ZSWIM6: variants seen among roughly 807,000 people sequenced by gnomAD.
ZSWIM6 encodes the protein zinc finger SWIM-type containing 6, also known as zinc finger SWIM domain-containing protein 6.
ZSWIM6 carries 9 observed loss-of-function variants against 113.2 expected under a neutral mutation model. That is an observed-to-expected ratio of 0.08 (90% CI 0.05 to 0.14). ZSWIM6 has a LOEUF of 0.14. Ranked by LOEUF, ZSWIM6 falls within the 10% of genes least tolerant of loss-of-function variation. The pLI, the probability that ZSWIM6 is intolerant of heterozygous loss-of-function variation, is 1.00. For missense variants in ZSWIM6, 1,162 were observed against 1,552.2 expected, an observed-to-expected ratio of 0.75 and a Z score of 4.22; for synonymous variants, 611 against 606.5, an observed-to-expected ratio of 1.01 and a Z score of -0.11.
At chr5:61,496,491 A>G (rs893743504) in intron 4 of ZSWIM6, among the ~76,000 whole-genome samples, 8 of 152,204 alleles carry the variant, frequency 5.3e-5, no homozygotes, top group Admixed American at 3.3e-4. Flanking sequence ...TTGTGCCCCT[A>G]CACAGGGCTC....
intron 1 of ZSWIM6, among the ~76,000 whole-genome samples, chr5:61,340,750 T>C (rs1744526457): frequency 6.6e-6 from 1 of 152,352 alleles, no homozygotes; most frequent in Admixed American, 6.5e-5. Flanking sequence ...AAGCATATTC[T>C]TGAATGTAAC....
intron 1 of ZSWIM6, among the ~76,000 whole-genome samples, chr5:61,383,584 G>A (rs568689912): frequency 8.6e-4 from 130 of 151,690 alleles, no homozygotes; most frequent in African/African-American, 2.9e-3. Context: ...TGCCCAGGCT[G>A]GAGTGCAGTG....
At chr5:61,380,243 T>G (rs1745447844) in intron 1 of ZSWIM6, among the ~76,000 whole-genome samples, 1 of 151,958 alleles carries the variant, frequency 6.6e-6, no homozygotes, top group African/African-American at 2.4e-5. Context: ...GCCCAGCTAA[T>G]TTTTGTATTT....
chr5:61,519,295 C>T (rs932831533), intron 4 of ZSWIM6, among the ~76,000 whole-genome samples: 3 of 152,152 alleles, frequency 2.0e-5, no homozygotes, highest in African/African-American at 4.8e-5. Context: ...CAGAGATCCC[C>T]GTTTCCACCT....
chr5:61,333,322 G>A (rs1309608626), intron 1 of ZSWIM6, among the ~76,000 whole-genome samples: 1 of 151,454 alleles, frequency 6.6e-6, no homozygotes, highest in Non-Finnish European at 1.5e-5. Context: ...CTCCGGCGAG[G>A]GTGTGTGTGG....
chr5:61,525,972 G>T lies in ZSWIM6; in HGVS notation c.1686G>T (p.Trp562Cys). The T allele has an allele frequency of 6.4e-7, 1 of 1,552,020 alleles. No individual in the cohort carries two copies. The highest frequency in any genetic ancestry group is 8.7e-7 in the Non-Finnish European group (1 of 1,147,000). Reference protein sequence around the residue: ...SLFDSRGWPLWHEHVPTACAR... With the variant: ...SLFDSRGWPLCHEHVPTACAR... ...TCGACTCCCGCGGGTGGCCCCTCTG[G>T]CATGGTAAGTGACCAAACCGGAAAG... Residue 562 changes from tryptophan to cysteine, a missense_variant, in exon 6 of 14, where the codon TGG becomes TGT. Transcript: ENST00000252744.
At chr5:61,333,002 G>GTT (rs1744298098) in intron 1 of ZSWIM6, 54 bp downstream of exon 1, 1 of 1,008,870 alleles carries the variant, frequency 9.9e-7, no homozygotes, top group Non-Finnish European at 1.2e-6. Context: ...CCCTGGGTGG[G>GTT]GGGGGGGTGC....
At chr5:61,363,874 CTCCTTCCT>C (rs1218720627) in intron 1 of ZSWIM6, among the ~76,000 whole-genome samples, 2 of 103,630 alleles carry the variant, frequency 1.9e-5, no homozygotes, top group Non-Finnish European at 4.4e-5. Flanking sequence ...CCTTCCTTCC[CTCCTTCCT>C]TCCTTCCCTC....
Position 61,521,440 on chromosome 5 carries a change from A to G in ZSWIM6, c.1511A>G (p.Gln504Arg). 6.9e-7 allele frequency: 1 copy of G among 1,459,292 alleles called. No homozygotes were observed. Among genetic ancestry groups the G allele is most frequent in the East Asian group, 2.9e-5 (1 of 35,014 alleles). 90.4% of individuals were successfully genotyped at this position (1,459,292 alleles called of 1,614,324 possible). Residue 504 changes from glutamine (Q) to arginine (R), a missense_variant and splice_region_variant, in exon 5 of 14, where the codon CAA becomes CGA. By Grantham distance (43) the Gln-to-Arg change is conservative. This residue lies in a region of ZSWIM6 where 620 missense variants were observed against 804.6 expected (regional missense o/e 0.77). Transcript: ENST00000252744. ...NALPQGANAN[Q>R]DSSNRPHRTV... ...CTGCCTCAGGGTGCAAATGCCAACC[A>G]AGGTGAGTCTACCATAATGTTCTGC... is the stretch of plus-strand genomic sequence containing the variant.
chr5:61,539,546 C>A, intron 11 of ZSWIM6, 50 bp from the exon 12 acceptor site: 1 of 1,510,606 alleles, frequency 6.6e-7, no homozygotes, highest in Non-Finnish European at 8.9e-7. Flanking sequence ...ATTTGTTTGT[C>A]TTGCTTTGCT....
chr5:61,493,596 C>T (rs1035240753), intron 3 of ZSWIM6, among the ~76,000 whole-genome samples: 4 of 152,088 alleles, frequency 2.6e-5, no homozygotes, highest in African/African-American at 9.7e-5. Flanking sequence ...CAGGAAGGTG[C>T]CAAACTGTTT....
intron 3 of ZSWIM6, among the ~76,000 whole-genome samples, chr5:61,493,422 A>G (rs1365515277): frequency 6.6e-6 from 1 of 152,202 alleles, no homozygotes; most frequent in East Asian, 1.9e-4. Flanking sequence ...GGTGAATTGT[A>G]TGGTATATGA....
chr5:61,406,366 A>G (rs1260482291), intron 1 of ZSWIM6, among the ~76,000 whole-genome samples: 2 of 152,218 alleles, frequency 1.3e-5, no homozygotes, highest in African/African-American at 4.8e-5. Flanking sequence ...TGAAGCCTAG[A>G]AATTTTATAG....
intron 1 of ZSWIM6, among the ~76,000 whole-genome samples, chr5:61,366,441 G>A (rs1745154147): frequency 6.6e-6 from 1 of 152,152 alleles, no homozygotes; most frequent in South Asian, 2.1e-4. Flanking sequence ...AGGTGAATAA[G>A]CAACTCAAAC....
chr5:61,396,401 G>C (rs1001873568), intron 1 of ZSWIM6, among the ~76,000 whole-genome samples: 1 of 151,626 alleles, frequency 6.6e-6, no homozygotes, highest in Admixed American at 6.6e-5. Flanking sequence ...GTATGGTGGC[G>C]CACACCTGTA....
chr5:61,516,017 T>C (rs1014206692), intron 4 of ZSWIM6, among the ~76,000 whole-genome samples: 5 of 152,024 alleles, frequency 3.3e-5, no homozygotes, highest in African/African-American at 1.2e-4. Context: ...GGTATATCTT[T>C]TTTCTTCCTT....
rs1483970398 is a variant in ZSWIM6, at chr5:61,525,952, T to C, written c.1666T>C (p.Ser556Pro). 6.4e-7 allele frequency: 1 copy of C among 1,552,108 alleles called. No homozygotes were observed. ...CGACACTGAAAACTCCCTCTTCGAC[T>C]CCCGCGGGTGGCCCCTCTGGCATGG... ...HDDTENSLFD[S>P]RGWPLWHEHV... The change falls in exon 6 of 14, where the codon TCC becomes CCC. Residue 556 changes from serine (S) to proline (P), a missense_variant. Ser to Pro is a moderately conservative substitution (Grantham distance 74, BLOSUM62 -1). Around this residue, in one of 4 missense-constraint regions of ZSWIM6, gnomAD observed 620 missense variants for 804.6 expected, o/e 0.77. Coordinates refer to ENST00000252744, the MANE Select transcript of ZSWIM6 (RefSeq NM_020928.2).
At chr5:61,491,804 T>A (rs947494139) in intron 3 of ZSWIM6, among the ~76,000 whole-genome samples, 1 of 133,760 alleles carries the variant, frequency 7.5e-6, no homozygotes, top group Non-Finnish European at 1.7e-5. Context: ...ATATTTGTTA[T>A]AATTAAAAGT....
intron 1 of ZSWIM6, among the ~76,000 whole-genome samples, chr5:61,405,740 G>A (rs1437435931): frequency 6.6e-6 from 1 of 152,152 alleles, no homozygotes; most frequent in African/African-American, 2.4e-5. Flanking sequence ...GAGCTCTAAA[G>A]TCATTTCTGT....
Sources: gnomAD v4.1 joint callset for allele counts (sites outside exome capture counted in the v4.1 genomes callset) on GRCh38, gnomAD v4.1.1 for gene constraint, gnomAD v4.1.1 regional missense constraint, MANE v1.5 for transcripts, NCBI Gene and HGNC (gene_info 2026-07-23, HGNC 2026-07-21) for gene names.